IL6ST: variants seen among roughly 807,000 people sequenced by gnomAD.
IL6ST encodes interleukin-6 receptor subunit beta.
A neutral mutation model predicts 91.3 loss-of-function variants in IL6ST; 24 were observed. The ratio of observed to expected loss-of-function variants is 0.26; its 90% CI spans 0.19 to 0.37. IL6ST has a LOEUF of 0.37. Among genes scored for constraint, IL6ST ranks in the 10% least tolerant of loss-of-function variants. IL6ST has a pLI of 1.00. For missense variants in IL6ST, 914 were observed against 1,078.5 expected, an observed-to-expected ratio of 0.85 and a Z score of 2.14; for synonymous variants, 351 against 373.6, an observed-to-expected ratio of 0.94 and a Z score of 0.70.
At chr5:55,968,836 A>G (rs11574768) in intron 4 of IL6ST, among the ~76,000 whole-genome samples, 1 of 152,192 alleles carries the variant, frequency 6.6e-6, no homozygotes, top group Non-Finnish European at 1.5e-5. Context: ...AAAACAGTAA[A>G]GTCTGGGTGA....
chr5:55,955,025 A>C, intron 10 of IL6ST, 33 bp from the exon 11 acceptor site: 1 of 1,372,432 alleles, frequency 7.3e-7, no homozygotes, highest in South Asian at 1.3e-5. Flanking sequence ...TGAAATAATA[A>C]ATATTAACAA....
chr5:55,941,164 C>G lies in IL6ST; in HGVS notation c.2675G>C (p.Gly892Ala). ...GCCTTCATCAGTCGCAGCCTCCATG[C>G]CAACTGTTTCAAATCTTTCTACTTG... ...EGQVERFETV[G>A]MEAATDEGMP... The change falls in exon 17 of 17, where the codon GGC (glycine) becomes GCC (alanine). Residue 892 changes from glycine (G) to alanine (A), a missense_variant. Gly to Ala is a moderately conservative substitution (Grantham distance 60). Transcript: ENST00000381298. The G allele has an allele frequency of 6.2e-7, 1 of 1,614,096 alleles. No individual in the cohort carries two copies. The highest frequency in any genetic ancestry group is 8.5e-7 in the Non-Finnish European group (1 of 1,179,954).
At chr5:55,983,940 T>C (rs1753805379) in intron 1 of IL6ST, among the ~76,000 whole-genome samples, 1 of 152,180 alleles carries the variant, frequency 6.6e-6, no homozygotes, top group South Asian at 2.1e-4. Context: ...CTTGTAGCCT[T>C]TGCTCAAATT....
intron 7 of IL6ST, among the ~76,000 whole-genome samples, chr5:55,962,213 A>G (rs892088892): frequency 9.2e-5 from 14 of 152,206 alleles, no homozygotes; most frequent in Non-Finnish European, 1.6e-4. Flanking sequence ...ATGAAGCATT[A>G]ATCCAATTTT....
intron 11 of IL6ST, 113 bp downstream of exon 11, chr5:55,954,697 G>T (rs1052334599): frequency 5.8e-6 from 4 of 688,514 alleles, no homozygotes; most frequent in Non-Finnish European, 9.7e-6. Flanking sequence ...AAGTAGTGAG[G>T]CTATGATAAA....
intron 5 of IL6ST, among the ~76,000 whole-genome samples, chr5:55,966,093 G>C (rs1375225437): frequency 6.6e-6 from 1 of 152,164 alleles, no homozygotes; most frequent in South Asian, 2.1e-4. Context: ...TTTTCTTTAA[G>C]TATTTCAGCT....
chr5:55,970,724 T>C (rs778515841), intron 3 of IL6ST, among the ~76,000 whole-genome samples: 1 of 151,818 alleles, frequency 6.6e-6, no homozygotes, highest in African/African-American at 2.4e-5. Context: ...CTAACCAACA[T>C]GCTAAAACCC....
At chr5:55,964,436 G>T (rs978507935) in intron 5 of IL6ST, 124 bp from the exon 6 acceptor site, 3 of 564,132 alleles carry the variant, frequency 5.3e-6, no homozygotes, top group African/African-American at 4.0e-5. Flanking sequence ...CAATATAACT[G>T]CTGGTCACTA....
chr5:55,946,293 T>C (rs969331162), intron 15 of IL6ST, among the ~76,000 whole-genome samples: 9 of 152,202 alleles, frequency 5.9e-5, no homozygotes, highest in Non-Finnish European at 1.3e-4. Flanking sequence ...TCTGAAAAAG[T>C]TTGGCAGTTT....
At chr5:55,942,121 C>T (rs1750959484) in intron 16 of IL6ST, among the ~76,000 whole-genome samples, 1 of 152,080 alleles carries the variant, frequency 6.6e-6, no homozygotes, top group South Asian at 2.1e-4. Context: ...AAAATCAAAC[C>T]TGAATGACAG....
chr5:55,965,947 C>T (rs1431144439), intron 5 of IL6ST, among the ~76,000 whole-genome samples: 2 of 151,988 alleles, frequency 1.3e-5, no homozygotes, highest in African/African-American at 4.8e-5. Flanking sequence ...AAGAAAAGCC[C>T]TCATTATTCT....
At chr5:55,949,789 A>G (rs1177074223) in intron 14 of IL6ST, among the ~76,000 whole-genome samples, 1 of 152,200 alleles carries the variant, frequency 6.6e-6, no homozygotes, top group African/African-American at 2.4e-5. Flanking sequence ...TCCCTCATTC[A>G]GCAAGCATTC....
At chr5:55,971,357 G>C (rs189719893) in intron 3 of IL6ST, among the ~76,000 whole-genome samples, 1 of 152,176 alleles carries the variant, frequency 6.6e-6, no homozygotes, top group Non-Finnish European at 1.5e-5. Context: ...CTGAAGCACA[G>C]GATACTATAT....
chr5:55,976,492 A>G (rs1753298308), intron 2 of IL6ST, among the ~76,000 whole-genome samples, 199 bp from the exon 3 acceptor site: 1 of 152,222 alleles, frequency 6.6e-6, no homozygotes. Context: ...ACTGCTAGAA[A>G]ACATAATTTA....
rs1457045515 is a variant in IL6ST, at chr5:55,959,338, T to C, written c.973+1064A>G. On this transcript the variant is annotated intron_variant, in intron 8 of 16. Transcript: ENST00000381298. ...CAGAAGGGTACTTTTCTGCCTTTGA[T>C]GTTCTCAAGTCACATGACCTAAACC... 2.6e-5 allele frequency among the ~76,000 whole-genome samples: 4 copies of C among 152,218 alleles called. No individual in the cohort carries two copies. In the East Asian group the frequency reaches 7.7e-4, roughly 29 times the overall value.
intron 1 of IL6ST, among the ~76,000 whole-genome samples, chr5:55,984,131 C>G (rs1008702927): frequency 6.6e-6 from 1 of 152,010 alleles, no homozygotes; most frequent in African/African-American, 2.4e-5. Context: ...AATTAGTTAA[C>G]TCCGTTATTA....
rs143787605 is a variant in IL6ST at position 55,969,341 on chromosome 5, A to T, written c.370+209T>A. On this transcript the variant is annotated intron_variant, in intron 4 of 16. Coordinates refer to ENST00000381298, the MANE Select transcript of IL6ST (RefSeq NM_002184.4). ...CTGTGGTGGGGGGGGTCTCATGTCA[A>T]ATATTTCTCTAGTAAAGTGAAACTG... is the stretch of plus-strand genomic sequence containing the variant. Among the ~76,000 whole-genome samples the T allele has an allele frequency of 3.4e-3, 515 of 152,272 alleles. 4 individuals are homozygous for T. Among genetic ancestry groups the T allele is most frequent in the African/African-American group, 0.012 (485 of 41,542 alleles).
At position 55,956,291 on chromosome 5, in the gene IL6ST, C is replaced by T. The variant is rs138108435; in HGVS notation, c.1057-56G>A. ...ATCTCATAAATCTTGAATAAAAAAT[C>T]AGTTTTTCTTCATATTCACAAATCA... On this transcript the variant is annotated intron_variant, in intron 9 of 16. Coordinates refer to ENST00000381298, the MANE Select transcript of IL6ST (RefSeq NM_002184.4). The T allele has an allele frequency of 3.1e-3, 3,259 of 1,062,478 alleles. 7 individuals carry two copies. Among genetic ancestry groups the T allele is most frequent in the Middle Eastern group, 5.0e-3 (16 of 3,188 alleles). The allele number at this position is 1,062,478 out of a possible 1,614,324, so 65.8% of individuals were successfully genotyped here. A position where few individuals can be genotyped will look rare whatever the true frequency, so the allele number is the denominator to read the frequency against.
At chr5:55,949,578 AATACATAAAAT>A (rs1052788116) in intron 14 of IL6ST, among the ~76,000 whole-genome samples, 1 of 152,196 alleles carries the variant, frequency 6.6e-6, no homozygotes, top group Non-Finnish European at 1.5e-5. Flanking sequence ...TCTCCACAGA[AATACATAAAAT>A]ATACATTTTT....
Sources: allele counts gnomAD v4.1 joint callset (sites outside exome capture counted in the v4.1 genomes callset), GRCh38; gene constraint gnomAD v4.1.1; transcripts MANE v1.5; gene names NCBI Gene and HGNC (gene_info 2026-07-23, HGNC 2026-07-21).